Variants in SLCO3A1 observed in about 807,000 individuals in gnomAD.
The protein encoded by SLCO3A1 is solute carrier organic anion transporter family member 3A1.
In SLCO3A1, 27 loss-of-function variants were observed where a neutral mutation model predicts 63.1. The ratio of observed to expected loss-of-function variants is 0.43; its 90% CI spans 0.32 to 0.59. The LOEUF (loss-of-function observed/expected upper bound fraction) is 0.59, where lower values mean the gene tolerates loss of function less well. SLCO3A1 is among the 20% of genes least tolerant of loss of function. SLCO3A1 has a pLI of 0.09. For synonymous variants in SLCO3A1, 473 were observed against 409.9 expected (o/e 1.15, Z -1.86); for missense variants, 773 against 945.8 (o/e 0.82, Z 2.40).
At chr15:92,113,492 G>C (rs1335941634) in intron 4 of SLCO3A1, among the ~76,000 whole-genome samples, 1 of 152,174 alleles carries the variant, frequency 6.6e-6, no homozygotes, top group African/African-American at 2.4e-5. Flanking sequence ...AAGCCACAAG[G>C]TGCAAAGGAA....
At chr15:91,971,745 G>C (rs1010423046) in intron 2 of SLCO3A1, among the ~76,000 whole-genome samples, 1 of 152,158 alleles carries the variant, frequency 6.6e-6, no homozygotes, top group African/African-American at 2.4e-5. Flanking sequence ...ATGTGGTGAT[G>C]AGTTGATGAA....
intron 1 of SLCO3A1, among the ~76,000 whole-genome samples, chr15:91,880,395 C>CTGTGTG (rs71156619): frequency 0.047 from 4,226 of 89,802 alleles, 92 homozygotes; most frequent in African/African-American, 0.089. Flanking sequence ...CTCTCTCTCT[C>CTGTGTG]TCTCTCTCTC....
At chr15:92,099,521 C>G (rs1251693732) in intron 3 of SLCO3A1, among the ~76,000 whole-genome samples, 4 of 151,944 alleles carry the variant, frequency 2.6e-5, no homozygotes, top group Non-Finnish European at 5.9e-5. Context: ...CTCCTCTTCT[C>G]ACAATCTCAA....
At chr15:91,868,010 C>G (rs892010589) in intron 1 of SLCO3A1, among the ~76,000 whole-genome samples, 5 of 152,180 alleles carry the variant, frequency 3.3e-5, no homozygotes, top group African/African-American at 1.2e-4. Context: ...TATTCATCGC[C>G]TGGCTCTAGT....
intron 2 of SLCO3A1, among the ~76,000 whole-genome samples, chr15:91,927,740 C>T (rs760245882): frequency 6.6e-6 from 1 of 152,190 alleles, no homozygotes; most frequent in Non-Finnish European, 1.5e-5. Context: ...AGAACATTCA[C>T]GTTTGCCCAC....
At position 91,916,140 on chromosome 15, in the gene SLCO3A1, G is replaced by A; in HGVS notation, c.328G>A (p.Gly110Ser). Residue 110 changes from glycine (G) to serine (S), a missense_variant, in exon 2 of 10, where the codon GGC (glycine) becomes AGC (serine). Gly to Ser is a moderately conservative substitution (Grantham distance 56). This residue lies in a region of SLCO3A1 where 565 missense variants were observed against 749.8 expected (regional missense o/e 0.75). Transcript: ENST00000318445. The surrounding 1 kb of genome is among the most constrained non-coding windows in gnomAD (Gnocchi z 6.2). Reference sequence around the variant, plus strand: ...ACGCGGGCACCGGCCGCGCCTGATCGGCTGCGGCGGCATCGTCATGGCGCT... The same window carrying A: ...ACGCGGGCACCGGCCGCGCCTGATCAGCTGCGGCGGCATCGTCATGGCGCT... ...GARGHRPRLI[G>S]CGGIVMALGA... 1.9e-6 allele frequency: 3 copies of A among 1,608,864 alleles called. No individual in the cohort carries two copies. Among genetic ancestry groups the A allele is most frequent in the Non-Finnish European group, 1.7e-6 (2 of 1,178,954 alleles).
chr15:91,937,433 G>C (rs1899453005), intron 2 of SLCO3A1, among the ~76,000 whole-genome samples: 1 of 152,154 alleles, frequency 6.6e-6, no homozygotes, highest in African/African-American at 2.4e-5. Context: ...TAAAAAGTGG[G>C]AGTGGGCCAG....
intron 2 of SLCO3A1, among the ~76,000 whole-genome samples, chr15:91,953,517 C>A (rs182423648): frequency 3.3e-5 from 5 of 152,276 alleles, no homozygotes; most frequent in Non-Finnish European, 5.9e-5. Flanking sequence ...AGGTGTTTGT[C>A]AGGCAGACCG....
intron 2 of SLCO3A1, among the ~76,000 whole-genome samples, chr15:91,924,092 G>T (rs6496869): frequency 6.6e-6 from 1 of 152,044 alleles, no homozygotes; most frequent in Admixed American, 6.5e-5. Context: ...TCATGCAGAC[G>T]GGCTTTGGGC....
intron 2 of SLCO3A1, among the ~76,000 whole-genome samples, chr15:91,929,672 A>C (rs1406257242): frequency 3.9e-5 from 6 of 152,172 alleles, no homozygotes; most frequent in Admixed American, 2.6e-4. Flanking sequence ...CAAAACTGAA[A>C]TTACCTCTTC....
At chr15:92,030,304 A>G (rs1360104562) in intron 2 of SLCO3A1, among the ~76,000 whole-genome samples, 1 of 152,210 alleles carries the variant, frequency 6.6e-6, no homozygotes, top group Non-Finnish European at 1.5e-5. Flanking sequence ...AAGAGAAAAG[A>G]ACTTTACAAA....
chr15:91,992,420 A>G (rs2151445337), intron 2 of SLCO3A1, among the ~76,000 whole-genome samples: 1 of 152,332 alleles, frequency 6.6e-6, no homozygotes, highest in East Asian at 1.9e-4. Flanking sequence ...TATGACCGCC[A>G]GTGACTCCTT....
In SLCO3A1 at chr15:91,916,119, G is replaced by A. The variant is rs1234440039; in HGVS notation, c.307G>A (p.Gly103Arg). The change falls in exon 2 of 10, where the codon GGG (glycine) becomes AGG (arginine). Residue 103 changes from glycine (G) to arginine (R), a missense_variant. Coordinates refer to ENST00000318445, the MANE Select transcript of SLCO3A1 (RefSeq NM_013272.4). This position sits in a 1 kb window ranked among gnomAD's most constrained non-coding sequence, Gnocchi z 6.2. ...ILFVSYFGARGHRPRLIGCGG... is the reference protein window; with the variant it reads ...ILFVSYFGARRHRPRLIGCGG... ...CTTCGTGAGCTACTTCGGGGCACGC[G>A]GGCACCGGCCGCGCCTGATCGGCTG... 8 of 1,611,190 alleles carry A rather than the reference G, an allele frequency of 5.0e-6. No homozygotes were observed. The highest frequency in any genetic ancestry group is 6.8e-6 in the Non-Finnish European group (8 of 1,179,500).
intron 1 of SLCO3A1, among the ~76,000 whole-genome samples, chr15:91,899,023 G>C (rs1898082442): frequency 1.3e-5 from 2 of 152,164 alleles, no homozygotes; most frequent in Non-Finnish European, 2.9e-5. Context: ...AAGGGCTGGT[G>C]TGTTCCCAAG....
chr15:92,069,797 G>A (rs571701390), intron 2 of SLCO3A1, among the ~76,000 whole-genome samples: 1 of 152,324 alleles, frequency 6.6e-6, no homozygotes, highest in African/African-American at 2.4e-5. Flanking sequence ...AATCACTGGG[G>A]AAAGCCCTCC....
intron 2 of SLCO3A1, among the ~76,000 whole-genome samples, chr15:91,996,153 T>G (rs1042485457): frequency 2.0e-5 from 3 of 152,132 alleles, no homozygotes; most frequent in African/African-American, 7.2e-5. Flanking sequence ...ATTTAACAGC[T>G]ACAACATCAG....
intron 2 of SLCO3A1, among the ~76,000 whole-genome samples, chr15:91,973,417 C>A (rs1274650606): frequency 2.0e-5 from 3 of 152,176 alleles, no homozygotes; most frequent in Non-Finnish European, 4.4e-5. Flanking sequence ...AAATTCAAAC[C>A]TGTGACAAGT....
At chr15:91,906,876 A>G (rs1023871979) in intron 1 of SLCO3A1, among the ~76,000 whole-genome samples, 7 of 152,142 alleles carry the variant, frequency 4.6e-5, no homozygotes, top group Non-Finnish European at 1.0e-4. Flanking sequence ...CCAAAGAGCT[A>G]CAGAGAAAAA....
chr15:91,854,279 A>G lies in SLCO3A1; in HGVS notation c.180+191A>G. 3 of 1,112,722 alleles carry G rather than the reference A, an allele frequency of 2.7e-6. No homozygotes were observed. The highest frequency in any genetic ancestry group is 2.2e-6 in the Non-Finnish European group (2 of 906,052). The allele number at this position is 1,112,722 out of a possible 1,614,324, so 68.9% of individuals were successfully genotyped here. ...CGGCCGGGGCTGCCAGCGAGCGGGTAGCGGGCGGGACCGTTGATGCCGGTA... is the reference window on the plus strand; with the variant it reads ...CGGCCGGGGCTGCCAGCGAGCGGGTGGCGGGCGGGACCGTTGATGCCGGTA... On this transcript the variant is annotated intron_variant, in intron 1 of 9. Coordinates refer to ENST00000318445, the MANE Select transcript of SLCO3A1 (RefSeq NM_013272.4). The surrounding 1 kb of genome is among the most constrained non-coding windows in gnomAD (Gnocchi z 6.4).
Sources: gnomAD v4.1 joint callset for allele counts (sites outside exome capture counted in the v4.1 genomes callset) on GRCh38, gnomAD v4.1.1 for gene constraint, gnomAD v4.1.1 regional missense constraint, Gnocchi (gnomAD v3.1) non-coding constraint, MANE v1.5 for transcripts, NCBI Gene and HGNC (gene_info 2026-07-23, HGNC 2026-07-21) for gene names.